Variants in ZNF22 observed in about 807,000 individuals in gnomAD.
ZNF22 encodes krox-26 protein.
In ZNF22, 15 loss-of-function variants were observed where a neutral mutation model predicts 17.0. That is an observed-to-expected ratio of 0.88 (90% confidence interval 0.59 to 1.36). The LOEUF (loss-of-function observed/expected upper bound fraction) is 1.36, where lower values mean the gene tolerates loss of function less well. ZNF22 is among the 40% of genes most tolerant of loss of function. The pLI, the probability that ZNF22 is intolerant of heterozygous loss-of-function variation, is 0.00. For synonymous variants in ZNF22, 84 were observed against 90.7 expected, an observed-to-expected ratio of 0.93 and a Z score of 0.42; for missense variants, 272 against 276.1, an observed-to-expected ratio of 0.98 and a Z score of 0.11.
intron 1 of ZNF22, among the ~76,000 whole-genome samples, chr10:45,001,316 GGAGCGTTC>G (rs1842329622): frequency 6.6e-6 from 1 of 152,114 alleles, no homozygotes; most frequent in African/African-American, 2.4e-5. Context: ...TCCGTCGCTC[GGAGCGTTC>G]GAGGACTAGA....
At chr10:45,002,052 T>C (rs1434400101) in intron 1 of ZNF22, among the ~76,000 whole-genome samples, 2 of 152,172 alleles carry the variant, frequency 1.3e-5, no homozygotes, top group Non-Finnish European at 2.9e-5. Context: ...GATGTAATTA[T>C]TAAATATCCA....
rs1282860906 is a variant in ZNF22, at chr10:45,003,336, A to T, written c.-33A>T. The T allele has an allele frequency of 1.3e-6, 2 of 1,541,604 alleles. No homozygotes were observed. Among genetic ancestry groups the T allele is most frequent in the African/African-American group, 1.4e-5 (1 of 72,172 alleles). On this transcript the variant is annotated 5_prime_UTR_variant, in exon 2 of 2. Transcript: ENST00000298299. The stretch of plus-strand genomic sequence containing the variant: ...AAACACTAGTTCAGAAGAAGCCTGT[A>T]AACTCTCTTACAAATACATTTGGTT...
At position 45,003,315 on chromosome 10, in the gene ZNF22, A is replaced by G. The variant is rs777715974; in HGVS notation, c.-54A>G. The G allele has an allele frequency of 2.0e-6, 3 of 1,502,476 alleles. No individual in the cohort carries two copies. The highest frequency in any genetic ancestry group is 2.7e-6 in the Non-Finnish European group (3 of 1,120,562). The allele number at this position is 1,502,476 out of a possible 1,614,324, so 93.1% of individuals were successfully genotyped here. Reference sequence around the variant, plus strand: ...GCTGTACACCTCTAGGAAATGAAACACTAGTTCAGAAGAAGCCTGTAAACT... The same window carrying G: ...GCTGTACACCTCTAGGAAATGAAACGCTAGTTCAGAAGAAGCCTGTAAACT... On this transcript the variant is annotated 5_prime_UTR_variant, in exon 2 of 2. Coordinates refer to ENST00000298299, the MANE Select transcript of ZNF22 (RefSeq NM_006963.5).
At chr10:45,002,454 CCTTTT>C (rs1320194174) in intron 1 of ZNF22, 1 of 152,230 alleles carries the variant, frequency 6.6e-6, no homozygotes, top group African/African-American at 2.4e-5. Flanking sequence ...TCCCCCCTCT[CCTTTT>C]CTTGTGTCCT....
Position 45,004,081 on chromosome 10 carries a change from GAAAAAAT to G in ZNF22, c.*44_*50del. On this transcript the variant is annotated 3_prime_UTR_variant, in exon 2 of 2. Coordinates refer to ENST00000298299, the MANE Select transcript of ZNF22 (RefSeq NM_006963.5). ...TTGACAGCTTTTTGAGACCTCTTAA[GAAAAAAT>G]AAAAAGTAAAAAATGAAAGGAATCT... The G allele has an allele frequency of 1.3e-6, 2 of 1,529,020 alleles. No homozygotes were observed. The highest frequency in any genetic ancestry group is 1.8e-6 in the Non-Finnish European group (2 of 1,140,812). The allele number at this position is 1,529,020 out of a possible 1,614,324, so 94.7% of individuals were successfully genotyped here.
In ZNF22 at chr10:45,004,138, A is replaced by C. The variant is rs1485582171; in HGVS notation, c.*95A>C. On this transcript the variant is annotated 3_prime_UTR_variant, in exon 2 of 2. Coordinates refer to ENST00000298299, the MANE Select transcript of ZNF22 (RefSeq NM_006963.5). ...TTTTTTAGAAATAGAGATGCTTTAT[A>C]GTAGATCACTTAAATACTGGATCTT... The C allele has an allele frequency of 7.7e-7, 1 of 1,302,610 alleles. No individual in the cohort carries two copies. Among genetic ancestry groups the C allele is most frequent in the Non-Finnish European group, 1.0e-6 (1 of 953,884 alleles). 80.7% of individuals were successfully genotyped at this position (1,302,610 alleles called of 1,614,324 possible).
At chr10:45,003,229 CTG>C in intron 1 of ZNF22, 49 bp from the exon 2 acceptor site, 1 of 665,920 alleles carries the variant, frequency 1.5e-6, no homozygotes, top group Non-Finnish European at 2.3e-6. Context: ...TAACAGATAT[CTG>C]TAATTTTTTT....
chr10:45,002,013 T>G (rs1166630929), intron 1 of ZNF22, among the ~76,000 whole-genome samples: 4 of 152,246 alleles, frequency 2.6e-5, no homozygotes, highest in African/African-American at 9.6e-5. Flanking sequence ...TATATGCGGC[T>G]TACTCTTACG....
Position 45,003,269 on chromosome 10 carries a change from TC to T in ZNF22, c.-89-10del. On this transcript the variant is annotated splice_polypyrimidine_tract_variant and intron_variant, in intron 1 of 1. Coordinates refer to ENST00000298299, the MANE Select transcript of ZNF22 (RefSeq NM_006963.5). ...TGATCATCTCTAAATTTTTTTTCCT[TC>T]TACACACAGAAAATTCTGAGCTGTA... 3 of 1,232,564 alleles carry T rather than the reference TC, an allele frequency of 2.4e-6. No individual in the cohort carries two copies. Among genetic ancestry groups the T allele is most frequent in the Non-Finnish European group, 3.3e-6 (3 of 907,466 alleles). The allele number at this position is 1,232,564 out of a possible 1,614,324, so 76.4% of individuals were successfully genotyped here.
chr10:45,001,714 T>G (rs1842334751), intron 1 of ZNF22, among the ~76,000 whole-genome samples: 1 of 152,126 alleles, frequency 6.6e-6, no homozygotes, highest in Non-Finnish European at 1.5e-5. Context: ...TGCATAAAGG[T>G]GCCAGGAGAA....
rs572871005 is a variant in ZNF22, at chr10:45,004,025, T to C, written c.657T>C (p.Ser219=). The part of the protein sequence containing the change: ...PSWKAGTGRK[S]VAGLR ...GGAAAGCTGGTACAGGAAGGAAGTC[T>C]GTGGCTGGTCTCCGTTAAGTATAGG... is the stretch of plus-strand genomic sequence containing the variant. The change falls in exon 2 of 2, where the codon TCT becomes TCC. Residue 219 remains serine (S), a synonymous_variant. Transcript: ENST00000298299. 1 of 1,611,228 alleles carries C rather than the reference T, an allele frequency of 6.2e-7. No homozygotes were observed. The highest frequency in any genetic ancestry group is 1.1e-5 in the South Asian group (1 of 90,862).
chr10:45,003,384 C>A lies in ZNF22; in HGVS notation c.16C>A (p.Pro6Thr). Residue 6 changes from proline (P) to threonine (T), a missense_variant, in exon 2 of 2, where the codon CCT (proline) becomes ACT (threonine). By Grantham distance (38) the Pro-to-Thr change is conservative. Transcript: ENST00000298299. MRLAKPKAGISRSSSQ... is the reference protein window; with the variant it reads MRLAKTKAGISRSSSQ... ...GTTATTCACCATGAGGTTAGCAAAG[C>A]CTAAAGCGGGTATTTCTCGGAGCTC... is the stretch of plus-strand genomic sequence containing the variant. 6.2e-7 allele frequency: 1 copy of A among 1,608,054 alleles called. No individual in the cohort carries two copies. The highest frequency in any genetic ancestry group is 1.1e-5 in the South Asian group (1 of 90,222).
In ZNF22 at chr10:45,003,390, G is replaced by C. The variant is rs571458031; in HGVS notation, c.22G>C (p.Ala8Pro). 191 of 1,609,026 alleles carry C rather than the reference G, an allele frequency of 1.2e-4. No homozygotes were observed. The highest frequency in any genetic ancestry group is 1.6e-4 in the Non-Finnish European group (189 of 1,177,674). The change falls in exon 2 of 2, where the codon GCG becomes CCG. Residue 8 changes from alanine (A) to proline (P), a missense_variant. Transcript: ENST00000298299. MRLAKPK[A>P]GISRSSSQGK... ...CACCATGAGGTTAGCAAAGCCTAAA[G>C]CGGGTATTTCTCGGAGCTCAAGCCA...
rs1842352360 is a variant in ZNF22, at chr10:45,003,746, C to T, written c.378C>T (p.Leu126=). 6.2e-7 allele frequency: 1 copy of T among 1,614,196 alleles called. No individual in the cohort carries two copies. The highest frequency in any genetic ancestry group is 8.5e-7 in the Non-Finnish European group (1 of 1,180,044). Residue 126 remains leucine (L), a synonymous_variant, in exon 2 of 2, where the codon CTC becomes CTT. Transcript: ENST00000298299. ...AAAGCTTCAAACAGAGCTCAAATCT[C>T]ATTCAGCACCAGAGAATTCATACTG... ...CGESFKQSSN[L]IQHQRIHTGE...
rs1230673235 is a variant in ZNF22 at position 45,004,690 on chromosome 10, T to C, written c.*647T>C. On this transcript the variant is annotated 3_prime_UTR_variant, in exon 2 of 2. Transcript: ENST00000298299. ...AGGATTTCCCTTTTTTTGTTTTGTT[T>C]GTTTTGTTTTTTTTAACCAAATTCT... is the stretch of plus-strand genomic sequence containing the variant. 1 of 167,064 alleles carries C rather than the reference T, an allele frequency of 6.0e-6. No homozygotes were observed. 10.3% of individuals were successfully genotyped at this position (167,064 alleles called of 1,614,324 possible).
chr10:45,003,995 C>T lies in ZNF22; in HGVS notation c.627C>T (p.Pro209=), dbSNP rs554743814. Residue 209 remains proline (P), a synonymous_variant, in exon 2 of 2, where the codon CCC becomes CCT. Coordinates refer to ENST00000298299, the MANE Select transcript of ZNF22 (RefSeq NM_006963.5). ...ATATCAGGGTGAAGACTCACTTACC[C>T]TCTTGGAAAGCTGGTACAGGAAGGA... ...GKNIRVKTHL[P]SWKAGTGRKS... is the part of the protein sequence containing the mutation. 6.2e-7 allele frequency: 1 copy of T among 1,614,028 alleles called. No homozygotes were observed. Among genetic ancestry groups the T allele is most frequent in the African/African-American group, 1.3e-5 (1 of 75,020 alleles).
intron 1 of ZNF22, among the ~76,000 whole-genome samples, chr10:45,001,221 G>A (rs1249657887): frequency 2.7e-5 from 4 of 150,818 alleles, no homozygotes; most frequent in Non-Finnish European, 4.4e-5. Flanking sequence ...GGAGTGCTGG[G>A]AACGGGAGGC....
rs1842356166 is a variant in ZNF22, at chr10:45,004,202, T to G, written c.*159T>G. The G allele has an allele frequency of 6.1e-6, 5 of 816,640 alleles. No individual in the cohort carries two copies. The highest frequency in any genetic ancestry group is 3.5e-5 in the African/African-American group (2 of 57,252). The allele number at this position is 816,640 out of a possible 1,614,324, so 50.6% of individuals were successfully genotyped here. Reference sequence around the variant, plus strand: ...AACATTGGGAATTTAATGACATTATTGAGCTGAAAGAAATTACATGAGTCC... The same window carrying G: ...AACATTGGGAATTTAATGACATTATGGAGCTGAAAGAAATTACATGAGTCC... On this transcript the variant is annotated 3_prime_UTR_variant, in exon 2 of 2. Transcript: ENST00000298299.
At chr10:45,001,250 C>T (rs1267206153) in intron 1 of ZNF22, among the ~76,000 whole-genome samples, 1 of 149,130 alleles carries the variant, frequency 6.7e-6, no homozygotes, top group Non-Finnish European at 1.5e-5. Flanking sequence ...GGGGCCCGGG[C>T]GAGGCGCGGC....
Sources: gnomAD v4.1 joint callset for allele counts (sites outside exome capture counted in the v4.1 genomes callset) on GRCh38, gnomAD v4.1.1 for gene constraint, MANE v1.5 for transcripts, NCBI Gene and HGNC (gene_info 2026-07-23, HGNC 2026-07-21) for gene names.